CNTN4: variants seen among roughly 807,000 people sequenced by gnomAD.
CNTN4 encodes contactin-4.
CNTN4 carries 77 observed loss-of-function variants against 122.5 expected under a neutral mutation model. The observed-to-expected ratio is 0.63, with a 90% confidence interval of 0.52 to 0.76. CNTN4 has a LOEUF of 0.76. Ranked by LOEUF, CNTN4 falls within the 30% of genes least tolerant of loss-of-function variation. CNTN4 has a pLI of 0.00. For synonymous variants in CNTN4, 512 were observed against 447.0 expected (o/e 1.15, Z -1.83); for missense variants, 1,256 against 1,259.1 (o/e 1.00, Z 0.04).
intron 4 of CNTN4, among the ~76,000 whole-genome samples, chr3:2,606,467 C>G (rs2081265332): frequency 6.6e-6 from 1 of 152,154 alleles, no homozygotes; most frequent in South Asian, 2.1e-4. Flanking sequence ...CAAACCTGCA[C>G]ATCCTGCACA....
At chr3:2,574,498 A>C (rs959832603) in intron 4 of CNTN4, among the ~76,000 whole-genome samples, 5 of 152,174 alleles carry the variant, frequency 3.3e-5, no homozygotes, top group Admixed American at 2.6e-4. Flanking sequence ...GGCATTTATT[A>C]GTACTTTATG....
intron 2 of CNTN4, among the ~76,000 whole-genome samples, chr3:2,249,174 C>G (rs1251792767): frequency 2.0e-5 from 3 of 151,644 alleles, no homozygotes; most frequent in Admixed American, 1.3e-4. Flanking sequence ...TGTAGATGGG[C>G]TTAAAAAGTG....
chr3:2,729,032 T>G (rs1177994268), intron 4 of CNTN4, among the ~76,000 whole-genome samples: 5 of 152,330 alleles, frequency 3.3e-5, no homozygotes, highest in Admixed American at 6.5e-5. Context: ...CAAGTAGACT[T>G]GAACCTGGAA....
At chr3:2,246,794 G>A (rs977309122) in intron 2 of CNTN4, among the ~76,000 whole-genome samples, 17 of 151,912 alleles carry the variant, frequency 1.1e-4, no homozygotes, top group Non-Finnish European at 2.2e-4. Flanking sequence ...AGTTTGATGG[G>A]GCATTCAGAG....
At chr3:2,731,884 G>C (rs955189692) in intron 4 of CNTN4, among the ~76,000 whole-genome samples, 2 of 152,214 alleles carry the variant, frequency 1.3e-5, no homozygotes, top group Non-Finnish European at 2.9e-5. Flanking sequence ...AAGGATGCCT[G>C]CTCTTTGTCA....
In CNTN4 at chr3:2,582,121, A is replaced by G. The variant is rs958120066; in HGVS notation, c.55+10563A>G. Among the ~76,000 whole-genome samples, 3 of 152,200 alleles carry G rather than the reference A, an allele frequency of 2.0e-5. No individual in the cohort carries two copies. In the South Asian group the frequency reaches 6.2e-4, roughly 32 times the overall value. ...TACACTAAAAATCACTTAACTGTACATTTTAAAAGGCTGAATTGTATGATG... is the reference window on the plus strand; with the variant it reads ...TACACTAAAAATCACTTAACTGTACGTTTTAAAAGGCTGAATTGTATGATG... On this transcript the variant is annotated intron_variant, in intron 4 of 24. Coordinates refer to ENST00000418658, the MANE Select transcript of CNTN4 (RefSeq NM_175607.3).
intron 2 of CNTN4, among the ~76,000 whole-genome samples, chr3:2,258,991 G>A (rs149104935): frequency 7.2e-5 from 11 of 152,022 alleles, no homozygotes; most frequent in African/African-American, 2.7e-4. Context: ...ACCTTATAAG[G>A]CATAAGTGCT....
At chr3:2,774,092 T>C (rs1012797310) in intron 6 of CNTN4, among the ~76,000 whole-genome samples, 1 of 151,834 alleles carries the variant, frequency 6.6e-6, no homozygotes, top group African/African-American at 2.4e-5. Flanking sequence ...AAGACAAATA[T>C]TAGTCCAGAA....
chr3:2,558,657 C>G (rs866662401), intron 3 of CNTN4, among the ~76,000 whole-genome samples: 1 of 152,070 alleles, frequency 6.6e-6, no homozygotes, highest in African/African-American at 2.4e-5. Context: ...TTAGTGTTTT[C>G]CCACATTAGC....
intron 6 of CNTN4, among the ~76,000 whole-genome samples, chr3:2,789,935 T>C (rs1327733361): frequency 1.3e-5 from 2 of 152,216 alleles, no homozygotes; most frequent in Non-Finnish European, 2.9e-5. Flanking sequence ...GTTTAGCCAT[T>C]TAGTAGAGTA....
chr3:2,169,413 C>G lies in CNTN4; in HGVS notation c.-145+68774C>G, dbSNP rs541494605. On this transcript the variant is annotated intron_variant, in intron 2 of 24. Coordinates refer to ENST00000418658, the MANE Select transcript of CNTN4 (RefSeq NM_175607.3). ...AGAACATTAGGAATGATAAAATAAACTTTTTTTTTTTGAGACGGAGTCTGG... is the reference window on the plus strand; with the variant it reads ...AGAACATTAGGAATGATAAAATAAAGTTTTTTTTTTTGAGACGGAGTCTGG... Among the ~76,000 whole-genome samples the G allele has an allele frequency of 7.4e-5, 11 of 148,352 alleles. No homozygotes were observed. The South Asian group carries it at 2.3e-3, about 32-fold the overall frequency.
intron 4 of CNTN4, among the ~76,000 whole-genome samples, chr3:2,631,956 T>C (rs1291874286): frequency 6.8e-6 from 1 of 147,660 alleles, no homozygotes; most frequent in African/African-American, 2.5e-5. Flanking sequence ...GCAGGCTGAG[T>C]GAGAGGATCG....
chr3:2,355,042 A>C (rs1049719419), intron 3 of CNTN4, among the ~76,000 whole-genome samples: 8 of 152,168 alleles, frequency 5.3e-5, no homozygotes, highest in Admixed American at 6.5e-5. Flanking sequence ...GCAGCCTCAG[A>C]AGCTGTATTA....
Position 3,042,345 on chromosome 3 carries a change from A to C in CNTN4, c.2434A>C (p.Ser812Arg), listed in dbSNP as rs1346248335. Residue 812 changes from serine to arginine, a missense_variant, in exon 21 of 25, where the codon AGT (serine) becomes CGT (arginine). Transcript: ENST00000418658. ...TKPPASIFAR[S>R]LSATDIEVFW... The stretch of plus-strand genomic sequence containing the variant: ...ACCACCAGCCAGTATCTTTGCCAGA[A>C]GTCTTTCTGCCACAGATATTGAAGT... 6.2e-7 allele frequency: 1 copy of C among 1,614,060 alleles called. No homozygotes were observed. Among genetic ancestry groups the C allele is most frequent in the African/African-American group, 1.3e-5 (1 of 74,938 alleles).
At chr3:2,404,166 A>C (rs916511527) in intron 3 of CNTN4, among the ~76,000 whole-genome samples, 1 of 152,146 alleles carries the variant, frequency 6.6e-6, no homozygotes, top group Non-Finnish European at 1.5e-5. Context: ...ATGAATTACC[A>C]CAAATTTAGT....
At chr3:2,361,641 C>T (rs188126441) in intron 3 of CNTN4, among the ~76,000 whole-genome samples, 1 of 152,240 alleles carries the variant, frequency 6.6e-6, no homozygotes, top group East Asian at 1.9e-4. Context: ...AGTTATTAGG[C>T]TGGAAATTAC....
chr3:2,656,386 G>A (rs189264311), intron 4 of CNTN4, among the ~76,000 whole-genome samples: 4 of 152,304 alleles, frequency 2.6e-5, no homozygotes. Context: ...TTGCCCAGAA[G>A]TATCATCAGA....
intron 4 of CNTN4, among the ~76,000 whole-genome samples, chr3:2,607,891 A>G (rs1156718930): frequency 2.0e-5 from 3 of 152,232 alleles, no homozygotes; most frequent in Non-Finnish European, 4.4e-5. Context: ...AAAATATCAT[A>G]TAATAAAAAC....
At chr3:2,383,060 A>C (rs1201735993) in intron 3 of CNTN4, among the ~76,000 whole-genome samples, 1 of 151,622 alleles carries the variant, frequency 6.6e-6, no homozygotes, top group African/African-American at 2.4e-5. Flanking sequence ...GGGTGACAAC[A>C]GCGAAAATCC....
Sources: allele counts gnomAD v4.1 joint callset (sites outside exome capture counted in the v4.1 genomes callset), GRCh38; gene constraint gnomAD v4.1.1; transcripts MANE v1.5; gene names NCBI Gene and HGNC (gene_info 2026-07-23, HGNC 2026-07-21).